The following PDE9A variants were observed in gnomAD, a reference collection of about 807,000 sequenced individuals.
The protein encoded by PDE9A is phosphodiesterase 9A, also known as high affinity cGMP-specific 3',5'-cyclic phosphodiesterase 9A.
Under a neutral mutation model 87.4 loss-of-function variants are expected in PDE9A, and 60 were observed. That is an observed-to-expected ratio of 0.69 (90% CI 0.56 to 0.85). The LOEUF (loss-of-function observed/expected upper bound fraction) is 0.85, where lower values mean the gene tolerates loss of function less well. Among genes scored for constraint, PDE9A ranks in the 40% least tolerant of loss-of-function variants. The pLI, the probability that PDE9A is intolerant of heterozygous loss-of-function variation, is 0.00. For missense variants in PDE9A, 665 were observed against 779.0 expected (o/e 0.85, Z 1.74); for synonymous variants, 272 against 279.4 (o/e 0.97, Z 0.27).
At chr21:42,703,416 T>A (rs985492938) in intron 4 of PDE9A, among the ~76,000 whole-genome samples, 32 of 152,056 alleles carry the variant, frequency 2.1e-4, no homozygotes, top group African/African-American at 7.7e-4. Context: ...CAGGACACCA[T>A]CGGGAGCAGA....
chr21:42,757,113 A>ATCCAG (rs2055155722), intron 10 of PDE9A: 1 of 152,374 alleles, frequency 6.6e-6, no homozygotes, highest in Admixed American at 6.5e-5. Flanking sequence ...TCCAGGTGGC[A>ATCCAG]GCTGACCAGT....
chr21:42,682,635 T>C (rs1394594004), intron 1 of PDE9A, among the ~76,000 whole-genome samples: 2 of 152,206 alleles, frequency 1.3e-5, no homozygotes, highest in Non-Finnish European at 2.9e-5. Context: ...CCCTCTCTTC[T>C]CAAGGCCCCC....
At chr21:42,658,678 C>CTG (rs1339920290) in intron 1 of PDE9A, among the ~76,000 whole-genome samples, 1 of 152,236 alleles carries the variant, frequency 6.6e-6, no homozygotes, top group Non-Finnish European at 1.5e-5. Context: ...TCGGCTCCAG[C>CTG]ACCACTGTCT....
intron 1 of PDE9A, among the ~76,000 whole-genome samples, chr21:42,656,852 G>A (rs991744011): frequency 7.2e-5 from 11 of 152,232 alleles, no homozygotes; most frequent in African/African-American, 2.7e-4. Flanking sequence ...CTCATCTCGA[G>A]AACCTTGGGT....
chr21:42,660,989 G>A lies in PDE9A; in HGVS notation c.69+7106G>A, dbSNP rs2057439868. On this transcript the variant is annotated intron_variant, in intron 1 of 19. Transcript: ENST00000291539. The surrounding 1 kb of genome is among the most constrained non-coding windows in gnomAD (Gnocchi z 4.7). ...AAACTCGGTCTAGAAACAACTAAAA[G>A]AAGAACCACAGCATTTTATTCCGTT... is the stretch of plus-strand genomic sequence containing the variant. Among the ~76,000 whole-genome samples the A allele has an allele frequency of 1.3e-5, 2 of 151,886 alleles. No homozygotes were observed. Among genetic ancestry groups the A allele is most frequent in the Non-Finnish European group, 1.5e-5 (1 of 67,990 alleles).
At chr21:42,711,910 A>G (rs947227342) in intron 4 of PDE9A, among the ~76,000 whole-genome samples, 3 of 152,086 alleles carry the variant, frequency 2.0e-5, no homozygotes, top group Admixed American at 6.5e-5. Context: ...TGCTTCATTG[A>G]TCTATTTGTC....
At chr21:42,711,652 TTTC>T (rs2049354532) in intron 4 of PDE9A, among the ~76,000 whole-genome samples, 1 of 152,214 alleles carries the variant, frequency 6.6e-6, no homozygotes, top group Non-Finnish European at 1.5e-5. Flanking sequence ...TGTTATGTTT[TTTC>T]TTAATTTAAA....
At chr21:42,670,699 TCACA>T (rs200058140) in intron 1 of PDE9A, among the ~76,000 whole-genome samples, 3,515 of 149,410 alleles carry the variant, frequency 0.024, 65 homozygotes, top group Middle Eastern at 0.049. Context: ...GCTCACACAC[TCACA>T]CATACACTTA....
intron 15 of PDE9A, among the ~76,000 whole-genome samples, chr21:42,767,243 G>A (rs1303514878): frequency 1.3e-5 from 2 of 152,146 alleles, no homozygotes; most frequent in African/African-American, 2.4e-5. Flanking sequence ...GGAGGTGTGA[G>A]GTGCAGGGAG....
intron 4 of PDE9A, among the ~76,000 whole-genome samples, chr21:42,726,618 A>ATTTTTT (rs1486108848): frequency 1.3e-4 from 3 of 23,048 alleles, no homozygotes; most frequent in African/African-American, 3.3e-4. Flanking sequence ...ATATATATAT[A>ATTTTTT]TATATATTTT....
At position 42,754,022 on chromosome 21, in the gene PDE9A, G is replaced by A. The variant is rs1165314650; in HGVS notation, c.768G>A (p.Leu256=). Residue 256 remains leucine (L), a synonymous_variant, in exon 10 of 20, where the codon CTG becomes CTA. Transcript: ENST00000291539. ...YLLSPETIEA[L]RKPTFDVWLW... is the part of the protein sequence containing the mutation. ...TCTCTCCAGAGACCATCGAGGCCCT[G>A]CGGAAGCCGACCTTTGACGTCTGGC... 1 of 1,613,512 alleles carries A rather than the reference G, an allele frequency of 6.2e-7. No individual in the cohort carries two copies. The highest frequency in any genetic ancestry group is 1.3e-5 in the African/African-American group (1 of 74,892).
intron 1 of PDE9A, among the ~76,000 whole-genome samples, chr21:42,658,689 G>A (rs1078487): frequency 0.48 from 72,690 of 152,132 alleles, 19,937 homozygotes; most frequent in African/African-American, 0.77. Flanking sequence ...ACCACTGTCT[G>A]CGCCCTCCTT....
chr21:42,670,433 CACAT>C (rs986090946), intron 1 of PDE9A, among the ~76,000 whole-genome samples: 62 of 151,290 alleles, frequency 4.1e-4, no homozygotes, highest in Middle Eastern at 3.4e-3. Context: ...CTTACAGTCA[CACAT>C]ACACTTATAC....
In PDE9A at chr21:42,670,241, TCATACA is replaced by T. The variant is rs200706951; in HGVS notation, c.70-15944_70-15939del. 2.3e-4 allele frequency among the ~76,000 whole-genome samples: 29 copies of T among 125,004 alleles called. 1 individual carries two copies. Among genetic ancestry groups the T allele is most frequent in the East Asian group, 8.4e-4 (4 of 4,734 alleles). The allele number at this position is 125,004 out of a possible 152,430, so 82.0% of individuals were successfully genotyped here. A position where few individuals can be genotyped will look rare whatever the true frequency, so the allele number is the denominator to read the frequency against. ...CACACACATACACTTACATTCACACTCATACACATACATACATTCACACACATATTC... is the reference window on the plus strand; with the variant it reads ...CACACACATACACTTACATTCACACTCATACATACATTCACACACATATTC... On this transcript the variant is annotated intron_variant, in intron 1 of 19. Coordinates refer to ENST00000291539, the MANE Select transcript of PDE9A (RefSeq NM_002606.3).
chr21:42,657,588 G>A (rs2057176054), intron 1 of PDE9A, among the ~76,000 whole-genome samples: 1 of 152,230 alleles, frequency 6.6e-6, no homozygotes, highest in Non-Finnish European at 1.5e-5. Context: ...TGCCCATGGA[G>A]TGACAGGGAC....
At chr21:42,749,611 C>G (rs2054214879) in intron 8 of PDE9A, among the ~76,000 whole-genome samples, 1 of 152,234 alleles carries the variant, frequency 6.6e-6, no homozygotes, top group African/African-American at 2.4e-5. Context: ...TAAACAAAAA[C>G]AGAGTCAGAC....
rs142626928 is a variant in PDE9A, at chr21:42,708,945, C to T, written c.262+9934C>T. Among the ~76,000 whole-genome samples, 37 of 152,162 alleles carry T rather than the reference C, an allele frequency of 2.4e-4. No individual in the cohort carries two copies. In the East Asian group the frequency reaches 3.3e-3, roughly 13 times the overall value. On this transcript the variant is annotated intron_variant, in intron 4 of 19. Transcript: ENST00000291539. ...GAAATACCATTTGACCCAGCAATGA[C>T]GTTTATATATATACCCAAAGGAATA... is the stretch of plus-strand genomic sequence containing the variant.
chr21:42,677,487 TTGCAGAGAGGG>T (rs2058914473), intron 1 of PDE9A, among the ~76,000 whole-genome samples: 1 of 152,196 alleles, frequency 6.6e-6, no homozygotes, highest in African/African-American at 2.4e-5. Context: ...GCAGCCAGCC[TTGCAGAGAGGG>T]CGCTGTCTTA....
intron 1 of PDE9A, among the ~76,000 whole-genome samples, chr21:42,680,438 G>A (rs2059107744): frequency 1.3e-5 from 2 of 152,202 alleles, no homozygotes; most frequent in Non-Finnish European, 2.9e-5. Context: ...GTGACCCTGG[G>A]TCCCCCACTT....
Sources: gnomAD v4.1 joint callset for allele counts (sites outside exome capture counted in the v4.1 genomes callset) on GRCh38, gnomAD v4.1.1 for gene constraint, Gnocchi (gnomAD v3.1) non-coding constraint, MANE v1.5 for transcripts, NCBI Gene and HGNC (gene_info 2026-07-23, HGNC 2026-07-21) for gene names.